Variants in BBX observed in about 807,000 individuals in gnomAD.
BBX encodes BBX high mobility group box domain containing.
BBX carries 30 observed loss-of-function variants against 100.2 expected under a neutral mutation model. The observed-to-expected ratio is 0.30, with a 90% CI of 0.22 to 0.41. BBX has a LOEUF of 0.41. Ranked by LOEUF, BBX falls within the 10% of genes least tolerant of loss-of-function variation. The pLI is 1.00. For synonymous variants in BBX, 376 were observed against 388.1 expected, an observed-to-expected ratio of 0.97 and a Z score of 0.37; for missense variants, 1,023 against 1,129.8, an observed-to-expected ratio of 0.91 and a Z score of 1.35.
intron 10 of BBX, among the ~76,000 whole-genome samples, chr3:107,756,843 A>G (rs2065514105): frequency 6.6e-6 from 1 of 152,172 alleles, no homozygotes; most frequent in African/African-American, 2.4e-5. Flanking sequence ...AAAGAACTGC[A>G]TGAGTCAGTG....
intron 10 of BBX, among the ~76,000 whole-genome samples, chr3:107,766,598 A>T (rs1237132386): frequency 1.3e-5 from 2 of 151,584 alleles, no homozygotes; most frequent in South Asian, 2.1e-4. Context: ...AAGTATAGGT[A>T]AAAAAAAAGA....
chr3:107,649,490 A>G (rs932628494), intron 3 of BBX, among the ~76,000 whole-genome samples: 3 of 152,214 alleles, frequency 2.0e-5, no homozygotes, highest in Non-Finnish European at 4.4e-5. Flanking sequence ...TGAGAATTAA[A>G]TGAGATAATT....
Position 107,778,390 on chromosome 3 carries a change from G to A in BBX, c.2074G>A (p.Glu692Lys). The A allele has an allele frequency of 6.2e-7, 1 of 1,613,096 alleles. No homozygotes were observed. The highest frequency in any genetic ancestry group is 8.5e-7 in the Non-Finnish European group (1 of 1,179,414). Residue 692 changes from glutamate (E) to lysine (K), a missense_variant, in exon 13 of 18, where the codon GAA becomes AAA. Physicochemically the swap from Glu to Lys is moderately conservative, Grantham distance 56. Transcript: ENST00000325805. ...TAATAGCTCCGCAAAGCTGGATGAA[G>A]AATTTGAAAAAAAATTCAACAGCCT... ...CLLGSAKLDE[E>K]FEKKFNSLPQ... is the part of the protein sequence containing the mutation.
intron 6 of BBX, 42 bp downstream of exon 6, chr3:107,729,002 G>T: frequency 6.3e-7 from 1 of 1,579,440 alleles, no homozygotes. Context: ...TAAGGACAGG[G>T]CAATACATTT....
intron 10 of BBX, among the ~76,000 whole-genome samples, chr3:107,764,748 C>G (rs2066234735): frequency 6.6e-6 from 1 of 152,210 alleles, no homozygotes; most frequent in African/African-American, 2.4e-5. Flanking sequence ...TAATAACTCA[C>G]AGTCTATTAA....
In BBX at chr3:107,801,231, C is replaced by T. The variant is rs2070429559; in HGVS notation, c.2688C>T (p.Phe896=). The T allele has an allele frequency of 6.2e-7, 1 of 1,614,064 alleles. No homozygotes were observed. Among genetic ancestry groups the T allele is most frequent in the Non-Finnish European group, 8.5e-7 (1 of 1,180,032 alleles). ...STPEMPAVSA[F]FSLAALAEVA... is the part of the protein sequence containing the mutation. ...CAGAAATGCCTGCCGTGTCTGCGTT[C>T]TTTAGCCTCGCTGCGCTGGCTGAAG... Residue 896 remains phenylalanine, a synonymous_variant, in exon 17 of 18, where the codon TTC becomes TTT. Transcript: ENST00000325805.
intron 2 of BBX, among the ~76,000 whole-genome samples, chr3:107,600,403 C>T (rs2053981131): frequency 6.6e-6 from 1 of 152,184 alleles, no homozygotes; most frequent in South Asian, 2.1e-4. Flanking sequence ...AGAGACCATT[C>T]AAGCTACAAA....
chr3:107,740,220 T>A (rs2063972229), intron 7 of BBX, among the ~76,000 whole-genome samples: 1 of 152,032 alleles, frequency 6.6e-6, no homozygotes, highest in South Asian at 2.1e-4. Flanking sequence ...AACTCTCAGA[T>A]GGAATCCTCT....
At chr3:107,536,042 G>A (rs1202341991) in intron 2 of BBX, among the ~76,000 whole-genome samples, 2 of 152,176 alleles carry the variant, frequency 1.3e-5, no homozygotes, top group African/African-American at 2.4e-5. Flanking sequence ...ATTAATAAGC[G>A]GATTCATGGC....
intron 2 of BBX, among the ~76,000 whole-genome samples, chr3:107,550,049 AT>A (rs2049544208): frequency 1.3e-5 from 2 of 151,814 alleles, no homozygotes; most frequent in Non-Finnish European, 2.9e-5. Flanking sequence ...ATAGATATTA[AT>A]TTTTTCAGCA....
chr3:107,716,518 A>G (rs1044460424), intron 4 of BBX, 89 bp from the exon 5 acceptor site: 11 of 1,500,490 alleles, frequency 7.3e-6, no homozygotes, highest in Non-Finnish European at 9.9e-6. Context: ...GAGCTAAGAA[A>G]AAAATACAAT....
chr3:107,584,103 AT>A (rs1475502025), intron 2 of BBX, among the ~76,000 whole-genome samples: 1 of 21,986 alleles, frequency 4.5e-5, no homozygotes, highest in East Asian at 5.0e-4. Flanking sequence ...TATTATATAT[AT>A]TATATATTAT....
chr3:107,637,626 C>A (rs1459732441), intron 2 of BBX, among the ~76,000 whole-genome samples: 1 of 152,172 alleles, frequency 6.6e-6, no homozygotes. Flanking sequence ...ATTCTGTAAT[C>A]CTGTGATTTC....
chr3:107,717,488 ATGCTTTGACTTGTTTC>A (rs1271209730), intron 5 of BBX, among the ~76,000 whole-genome samples: 4 of 152,294 alleles, frequency 2.6e-5, no homozygotes, highest in Non-Finnish European at 1.5e-5. Context: ...GTCAAGAAAT[ATGCTTTGACTTGTTTC>A]TGTTCTGTAG....
chr3:107,711,282 T>A (rs768757928), intron 4 of BBX: 1 of 470,516 alleles, frequency 2.1e-6, no homozygotes, highest in East Asian at 6.9e-5. Context: ...CAGACCAGAA[T>A]AGAAGCTCAG....
At chr3:107,611,324 C>T (rs760260899) in intron 2 of BBX, among the ~76,000 whole-genome samples, 1 of 152,180 alleles carries the variant, frequency 6.6e-6, no homozygotes, top group East Asian at 1.9e-4. Context: ...TACTATCAAC[C>T]ATGAGTTTTA....
At position 107,773,087 on chromosome 3, in the gene BBX, A is replaced by G; in HGVS notation, c.1366A>G (p.Lys456Glu). Residue 456 changes from lysine (K) to glutamate (E), a missense_variant, in exon 11 of 18, where the codon AAA (lysine) becomes GAA (glutamate). Transcript: ENST00000325805. The surrounding 1 kb of genome is among the most constrained non-coding windows in gnomAD (Gnocchi z 4.1). Reference sequence around the variant, plus strand: ...AGAAAAGCTAAAAAAGAAAAAGAAGAAAAGCAAAATGGATCGACATGGAAA... The same window carrying G: ...AGAAAAGCTAAAAAAGAAAAAGAAGGAAAGCAAAATGGATCGACATGGAAA... The part of the protein sequence containing the change: ...KPEKLKKKKK[K>E]SKMDRHGNDK... 6.2e-7 allele frequency: 1 copy of G among 1,613,196 alleles called. No individual in the cohort carries two copies. The highest frequency in any genetic ancestry group is 8.5e-7 in the Non-Finnish European group (1 of 1,179,826).
intron 2 of BBX, among the ~76,000 whole-genome samples, chr3:107,584,223 A>G (rs1433729164): frequency 2.1e-5 from 2 of 96,476 alleles, no homozygotes; most frequent in South Asian, 6.0e-4. Context: ...TATTATATAT[A>G]ATATGTATAA....
intron 15 of BBX, among the ~76,000 whole-genome samples, chr3:107,795,764 T>C (rs2069583842): frequency 6.6e-6 from 1 of 152,152 alleles, no homozygotes; most frequent in East Asian, 1.9e-4. Context: ...GTTTCTGAGC[T>C]TTCCATAGTC....
Sources: allele counts gnomAD v4.1 joint callset (sites outside exome capture counted in the v4.1 genomes callset), GRCh38; gene constraint gnomAD v4.1.1; non-coding constraint Gnocchi (gnomAD v3.1); transcripts MANE v1.5; gene names NCBI Gene and HGNC (gene_info 2026-07-23, HGNC 2026-07-21).